The following DDX21 variants were observed in gnomAD, a reference collection of about 807,000 sequenced individuals.
DDX21 encodes the protein DExD-box helicase 21, also known as nucleolar RNA helicase 2.
A neutral mutation model predicts 90.0 loss-of-function variants in DDX21; 18 were observed. The observed-to-expected ratio is 0.20, with a 90% CI of 0.14 to 0.30. The LOEUF (loss-of-function observed/expected upper bound fraction) is 0.30. Ranked by LOEUF, DDX21 falls within the 10% of genes least tolerant of loss-of-function variation. The pLI, the probability that DDX21 is intolerant of heterozygous loss-of-function variation, is 1.00. For missense variants in DDX21, 673 were observed against 944.5 expected, an observed-to-expected ratio of 0.71 and a Z score of 3.77; for synonymous variants, 294 against 318.0, an observed-to-expected ratio of 0.92 and a Z score of 0.80.
intron 6 of DDX21, among the ~76,000 whole-genome samples, chr10:68,968,206 G>A (rs143440331): frequency 6.6e-6 from 1 of 151,736 alleles, no homozygotes; most frequent in Non-Finnish European, 1.5e-5. Flanking sequence ...CCCTCACCCT[G>A]TCACTCAGGC....
chr10:68,979,353 T>C (rs1188765561), intron 13 of DDX21, among the ~76,000 whole-genome samples: 2 of 152,224 alleles, frequency 1.3e-5, no homozygotes, highest in Non-Finnish European at 2.9e-5. Context: ...TGGTGTTCTT[T>C]CTTCTGAGGC....
chr10:68,971,752 A>C, intron 8 of DDX21, 139 bp from the exon 9 acceptor site: 1 of 742,596 alleles, frequency 1.3e-6, no homozygotes, highest in Non-Finnish European at 2.2e-6. Flanking sequence ...TATCCATTCA[A>C]GACACATTTT....
Position 68,973,660 on chromosome 10 carries a change from A to C in DDX21, c.1664A>C (p.Lys555Thr). Residue 555 changes from lysine to threonine, a missense_variant, in exon 10 of 15, where the codon AAA becomes ACA. Physicochemically the swap from Lys to Thr is moderately conservative, Grantham distance 78. Coordinates refer to ENST00000354185, the MANE Select transcript of DDX21 (RefSeq NM_004728.4). ...TATCAGTTAGTACAAGTGGAGCAAA[A>C]AGCGGTAAAACTATTCTTACCTTTC... ...EEYQLVQVEQ[K>T]AGIKFKRIGV... The C allele has an allele frequency of 1.2e-6, 2 of 1,613,412 alleles. No homozygotes were observed. Among genetic ancestry groups the C allele is most frequent in the East Asian group, 4.5e-5 (2 of 44,868 alleles).
At chr10:68,969,839 A>T (rs1842996950) in intron 7 of DDX21, among the ~76,000 whole-genome samples, 1 of 152,204 alleles carries the variant, frequency 6.6e-6, no homozygotes, top group African/African-American at 2.4e-5. Context: ...TTGGGTTTTT[A>T]AGTAAATGAA....
chr10:68,959,602 A>G lies in DDX21; in HGVS notation c.88-204A>G, dbSNP rs1053485433. ...AAACTATTGATATATACCCGTCTAT[A>G]TATATAGCTAAGAAGCGATTTTAGA... On this transcript the variant is annotated intron_variant, in intron 1 of 14. Coordinates refer to ENST00000354185, the MANE Select transcript of DDX21 (RefSeq NM_004728.4). Among the ~76,000 whole-genome samples the G allele has an allele frequency of 2.6e-5, 4 of 152,340 alleles. No homozygotes were observed. In the East Asian group the frequency reaches 5.8e-4, roughly 22 times the overall value.
At chr10:68,980,820 C>A (rs1476157930) in intron 13 of DDX21, among the ~76,000 whole-genome samples, 4 of 125,642 alleles carry the variant, frequency 3.2e-5, no homozygotes, top group African/African-American at 1.3e-4. Flanking sequence ...TGTAGTGAGA[C>A]CCTGTCTCTA....
chr10:68,957,041 CAA>C (rs34149138), intron 1 of DDX21, among the ~76,000 whole-genome samples: 4 of 138,234 alleles, frequency 2.9e-5, no homozygotes, highest in East Asian at 2.1e-4. Flanking sequence ...AACTCCATCT[CAA>C]AAAAAAAAAA....
Position 68,984,956 on chromosome 10 carries a change from T to G in DDX21, c.*2144T>G, listed in dbSNP as rs942574450. 2.0e-5 allele frequency: 3 copies of G among 152,192 alleles called. No homozygotes were observed. The highest frequency in any genetic ancestry group is 2.0e-4 in the Admixed American group (3 of 15,268). The allele number at this position is 152,192 out of a possible 1,614,324, so 9.4% of individuals were successfully genotyped here. A position where few individuals can be genotyped will look rare whatever the true frequency, so the allele number is the denominator to read the frequency against. ...CAAAGAAAATATTTTCTAATTTAAG[T>G]TGGAGCTATCTGTGCAGCAGTTTCT... On this transcript the variant is annotated 3_prime_UTR_variant, in exon 15 of 15. Coordinates refer to ENST00000354185, the MANE Select transcript of DDX21 (RefSeq NM_004728.4).
chr10:68,972,159 T>C (rs1843035762), intron 9 of DDX21, 107 bp downstream of exon 9: 6 of 1,296,922 alleles, frequency 4.6e-6, no homozygotes, highest in Middle Eastern at 4.3e-4. Context: ...TAGCTATCTT[T>C]TGAGTGCTGG....
rs772426159 is a variant in DDX21, at chr10:68,982,860, T to C, written c.*48T>C. On this transcript the variant is annotated 3_prime_UTR_variant, in exon 15 of 15. Transcript: ENST00000354185. ...GCAAAAAGAGAATGATGTTTGGCAA[T>C]ATAGAACTGAACATTATTTTTCATG... 3 of 1,599,174 alleles carry C rather than the reference T, an allele frequency of 1.9e-6. No individual in the cohort carries two copies. The highest frequency in any genetic ancestry group is 2.2e-5 in the East Asian group (1 of 44,648).
chr10:68,960,359 A>G (rs997967272), intron 2 of DDX21, 110 bp downstream of exon 2: 2 of 1,157,092 alleles, frequency 1.7e-6, no homozygotes, highest in African/African-American at 1.6e-5. Flanking sequence ...GTGATGTGTC[A>G]GCACCTTGTG....
At chr10:68,963,764 G>A (rs186455278) in intron 4 of DDX21, among the ~76,000 whole-genome samples, 92 of 151,912 alleles carry the variant, frequency 6.1e-4, no homozygotes, top group Admixed American at 1.6e-3. Context: ...CATAGCTTTC[G>A]TCAAGTGTCT....
intron 6 of DDX21, among the ~76,000 whole-genome samples, chr10:68,967,816 GT>G (rs1190718425): frequency 6.6e-6 from 1 of 152,110 alleles, no homozygotes; most frequent in East Asian, 1.9e-4. Context: ...CATCTGCCTA[GT>G]TTGATTTTTA....
chr10:68,972,803 T>C (rs1843045653), intron 9 of DDX21, among the ~76,000 whole-genome samples: 2 of 152,340 alleles, frequency 1.3e-5, no homozygotes, highest in South Asian at 2.1e-4. Context: ...CTTTTTATTA[T>C]GCGGTCTGGA....
intron 11 of DDX21, among the ~76,000 whole-genome samples, chr10:68,975,713 G>A (rs779638331): frequency 1.3e-5 from 2 of 152,018 alleles, no homozygotes; most frequent in African/African-American, 2.4e-5. Context: ...TGGGGTAGGC[G>A]GATTGCCTGG....
In DDX21 at chr10:68,964,380, C is replaced by T. The variant is rs1451952598; in HGVS notation, c.786+911C>T. Reference sequence around the variant, plus strand: ...TTTGTTTACTGCTATATCCCTAGCACATTTTAGATGAATGTATTAGGTGTT... The same window carrying T: ...TTTGTTTACTGCTATATCCCTAGCATATTTTAGATGAATGTATTAGGTGTT... On this transcript the variant is annotated intron_variant, in intron 4 of 14. Transcript: ENST00000354185. Among the ~76,000 whole-genome samples the T allele has an allele frequency of 2.0e-5, 3 of 152,200 alleles. No homozygotes were observed. The South Asian group carries it at 6.2e-4, about 31-fold the overall frequency.
intron 8 of DDX21, among the ~76,000 whole-genome samples, chr10:68,970,809 T>A (rs1843014473): frequency 6.6e-6 from 1 of 152,052 alleles, no homozygotes; most frequent in Non-Finnish European, 1.5e-5. Context: ...CGTGCCAGCA[T>A]GCCCAGCTAA....
rs1187466717 is a variant in DDX21, at chr10:68,984,627, T to C, written c.*1815T>C. 2.6e-5 allele frequency: 4 copies of C among 152,216 alleles called. No individual in the cohort carries two copies. The East Asian group carries it at 7.7e-4, about 29-fold the overall frequency. The allele number at this position is 152,216 out of a possible 1,614,324, so 9.4% of individuals were successfully genotyped here. ...ATTATTTGGATAGGCATGGGTACCT[T>C]ATCAAGCAGATTAAAAGGATATGGT... On this transcript the variant is annotated 3_prime_UTR_variant, in exon 15 of 15. Coordinates refer to ENST00000354185, the MANE Select transcript of DDX21 (RefSeq NM_004728.4).
At chr10:68,980,181 G>A (rs1843165320) in intron 13 of DDX21, among the ~76,000 whole-genome samples, 4 of 152,186 alleles carry the variant, frequency 2.6e-5, no homozygotes, top group African/African-American at 9.6e-5. Context: ...CAGAGGTTGC[G>A]GTGAGCCGAG....
Sources: allele counts gnomAD v4.1 joint callset (sites outside exome capture counted in the v4.1 genomes callset), GRCh38; gene constraint gnomAD v4.1.1; transcripts MANE v1.5; gene names NCBI Gene and HGNC (gene_info 2026-07-23, HGNC 2026-07-21).